The following GCGR variants were observed in gnomAD, a reference collection of about 807,000 sequenced individuals.
GCGR encodes glucagon receptor.
Under a neutral mutation model 56.1 loss-of-function variants are expected in GCGR, and 41 were observed. The observed-to-expected ratio is 0.73, with a 90% CI of 0.57 to 0.95. GCGR has a LOEUF of 0.95. GCGR is among the 40% of genes least tolerant of loss of function. The pLI is 0.00. For missense variants in GCGR, 595 were observed against 638.2 expected, an observed-to-expected ratio of 0.93 and a Z score of 0.73; for synonymous variants, 278 against 271.1, an observed-to-expected ratio of 1.03 and a Z score of -0.25.
rs1292279017 is a variant in GCGR, at chr17:81,811,811, G to A, written c.817+1G>A. ...AGCCTCTACCTGGGCATCGGCTGGG[G>A]TGAGTGGGCTGGCATGAGAGGGGGT... On this transcript the variant is annotated splice_donor_variant, in intron 8 of 13. Transcript: ENST00000400723. LOFTEE classifies it high-confidence loss of function. The surrounding 1 kb of genome is among the most constrained non-coding windows in gnomAD (Gnocchi z 5.8). 1 of 1,537,036 alleles carries A rather than the reference G, an allele frequency of 6.5e-7. No homozygotes were observed. Among genetic ancestry groups the A allele is most frequent in the Non-Finnish European group, 8.7e-7 (1 of 1,146,902 alleles).
In GCGR at chr17:81,806,312, G is replaced by A. The variant is rs994608310; in HGVS notation, c.-178+2063G>A. Among the ~76,000 whole-genome samples, 1 of 152,148 alleles carries A rather than the reference G, an allele frequency of 6.6e-6. No homozygotes were observed. Among genetic ancestry groups the A allele is most frequent in the Non-Finnish European group, 1.5e-5 (1 of 68,012 alleles). ...AGAATTGCCTCCCACCTCACCTCTT[G>A]TATTCAGAGGCCCTGACCCCTAGGG... On this transcript the variant is annotated intron_variant, in intron 1 of 13. Coordinates refer to ENST00000400723, the MANE Select transcript of GCGR (RefSeq NM_000160.5). The surrounding 1 kb of genome is among the most constrained non-coding windows in gnomAD (Gnocchi z 6.5).
In GCGR at chr17:81,809,046, C is replaced by T. The variant is rs961902777; in HGVS notation, c.28C>T (p.Leu10=). MPPCQPQRP[L]LLLLLLLACQ... is the part of the protein sequence containing the mutation. ...GCCCCCCTGCCAGCCACAGCGACCC[C>T]TGCTGCTGTTGCTGCTGCTGCTGGC... Residue 10 remains leucine, a synonymous_variant, in exon 2 of 14, where the codon CTG becomes TTG. Coordinates refer to ENST00000400723, the MANE Select transcript of GCGR (RefSeq NM_000160.5). 9 of 1,536,072 alleles carry T rather than the reference C, an allele frequency of 5.9e-6. No individual in the cohort carries two copies. The African/African-American group carries it at 8.2e-5, about 14-fold the overall frequency.
At chr17:81,805,311 T>G (rs1291732104) in intron 1 of GCGR, 1 of 152,568 alleles carries the variant, frequency 6.6e-6, no homozygotes, top group African/African-American at 2.4e-5. Context: ...AGTCACGTGT[T>G]CTGCCAGGGA....
chr17:81,805,802 T>C lies in GCGR; in HGVS notation c.-178+1553T>C, dbSNP rs550957495. On this transcript the variant is annotated intron_variant, in intron 1 of 13. Transcript: ENST00000400723. Reference sequence around the variant, plus strand: ...GGTGGAGGGTGGGGTCCCTGGTGGGTCGTCCCACCTACCAGCTGTGTCGCC... The same window carrying C: ...GGTGGAGGGTGGGGTCCCTGGTGGGCCGTCCCACCTACCAGCTGTGTCGCC... Among the ~76,000 whole-genome samples, 4 of 152,132 alleles carry C rather than the reference T, an allele frequency of 2.6e-5. No homozygotes were observed. In the South Asian group the frequency reaches 8.3e-4, roughly 32 times the overall value.
In GCGR at chr17:81,810,395, C is replaced by T; in HGVS notation, c.164-430C>T. ...GGCAGGTGTGGCAGCCTCCATTGGG[C>T]AGAGGGAGCAGATGTGGCAGCCACA... is the stretch of plus-strand genomic sequence containing the variant. On this transcript the variant is annotated intron_variant, in intron 3 of 13. Transcript: ENST00000400723. The surrounding 1 kb of genome is among the most constrained non-coding windows in gnomAD (Gnocchi z 4.6). The T allele has an allele frequency of 3.0e-6, 1 of 333,392 alleles. No individual in the cohort carries two copies. The highest frequency in any genetic ancestry group is 2.8e-5 in the South Asian group (1 of 35,416). 20.7% of individuals were successfully genotyped at this position (333,392 alleles called of 1,614,324 possible). A position where few individuals can be genotyped will look rare whatever the true frequency, so the allele number is the denominator to read the frequency against.
Position 81,812,046 on chromosome 17 carries a change from G to C in GCGR, c.878+100G>C. 6.6e-7 allele frequency: 1 copy of C among 1,507,990 alleles called. No individual in the cohort carries two copies. The highest frequency in any genetic ancestry group is 8.9e-7 in the Non-Finnish European group (1 of 1,121,982). 93.4% of individuals were successfully genotyped at this position (1,507,990 alleles called of 1,614,324 possible). A position where few individuals can be genotyped will look rare whatever the true frequency, so the allele number is the denominator to read the frequency against. On this transcript the variant is annotated intron_variant, in intron 9 of 13. Coordinates refer to ENST00000400723, the MANE Select transcript of GCGR (RefSeq NM_000160.5). This position sits in a 1 kb window ranked among gnomAD's most constrained non-coding sequence, Gnocchi z 8.5. ...GGGGCCGGGGATGAGCCTGGTGCCTGGGGAGGGGGTCATTTGTGACCTTCT... is the reference window on the plus strand; with the variant it reads ...GGGGCCGGGGATGAGCCTGGTGCCTCGGGAGGGGGTCATTTGTGACCTTCT...
rs1379527560 is a variant in GCGR at position 81,812,523 on chromosome 17, C to A, written c.949-54C>A. 1.3e-6 allele frequency: 2 copies of A among 1,496,052 alleles called. No individual in the cohort carries two copies. Among genetic ancestry groups the A allele is most frequent in the Non-Finnish European group, 9.0e-7 (1 of 1,113,722 alleles). The allele number at this position is 1,496,052 out of a possible 1,614,324, so 92.7% of individuals were successfully genotyped here. On this transcript the variant is annotated intron_variant, in intron 10 of 13. Coordinates refer to ENST00000400723, the MANE Select transcript of GCGR (RefSeq NM_000160.5). The surrounding 1 kb of genome is among the most constrained non-coding windows in gnomAD (Gnocchi z 8.5). ...GGTCAGGTGGGGCCTTCCAAGGGCA[C>A]AGAGCTGTTCCCTGGGGCTCGGGAT...
rs906566713 is a variant in GCGR, at chr17:81,810,057, C to A, written c.163+173C>A. 6 of 680,952 alleles carry A rather than the reference C, an allele frequency of 8.8e-6. No homozygotes were observed. The highest frequency in any genetic ancestry group is 1.6e-5 in the Non-Finnish European group (6 of 372,548). The allele number at this position is 680,952 out of a possible 1,614,324, so 42.2% of individuals were successfully genotyped here. On this transcript the variant is annotated intron_variant, in intron 3 of 13. Transcript: ENST00000400723. The surrounding 1 kb of genome is among the most constrained non-coding windows in gnomAD (Gnocchi z 4.6). The stretch of plus-strand genomic sequence containing the variant: ...CAGGTGAGGTAACGAGGTAACTGAG[C>A]CACAGAGCTGGGGACTTGCCTCAGG...
intron 1 of GCGR, among the ~76,000 whole-genome samples, chr17:81,805,961 C>T (rs1406627921): frequency 1.3e-5 from 2 of 152,184 alleles, no homozygotes. Flanking sequence ...TCAGTGTCTC[C>T]TCTCGGGGGA....
chr17:81,805,680 C>T (rs969756547), intron 1 of GCGR, among the ~76,000 whole-genome samples: 8 of 151,996 alleles, frequency 5.3e-5, no homozygotes, highest in Non-Finnish European at 1.2e-4. Context: ...CATTGGGCAC[C>T]TCGGGAACCC....
Position 81,812,440 on chromosome 17 carries a change from C to A in GCGR, c.949-137C>A. 9.5e-7 allele frequency: 1 copy of A among 1,052,230 alleles called. No homozygotes were observed. The highest frequency in any genetic ancestry group is 1.5e-5 in the South Asian group (1 of 64,564). 65.2% of individuals were successfully genotyped at this position (1,052,230 alleles called of 1,614,324 possible). A position where few individuals can be genotyped will look rare whatever the true frequency, so the allele number is the denominator to read the frequency against. ...CTGTTCCTCCCTGGCTGTGTGCCCA[C>A]CAGCCCCAGGGCTATGTGGCCCAGG... On this transcript the variant is annotated intron_variant, in intron 10 of 13. Coordinates refer to ENST00000400723, the MANE Select transcript of GCGR (RefSeq NM_000160.5). The surrounding 1 kb of genome is among the most constrained non-coding windows in gnomAD (Gnocchi z 8.5).
At position 81,809,864 on chromosome 17, in the gene GCGR, G is replaced by A. The variant is rs1364365831; in HGVS notation, c.143G>A (p.Ser48Asn). ...LYGDQCHHNL[S>N]LLPPPTELVC... is the part of the protein sequence containing the mutation. The stretch of plus-strand genomic sequence containing the variant: ...GGTGACCAGTGTCACCACAACCTGA[G>A]CCTGCTGCCCCCTCCCACGGGTGAG... Residue 48 changes from serine to asparagine, a missense_variant, in exon 3 of 14, where the codon AGC (serine) becomes AAC (asparagine). By Grantham distance (46) the Ser-to-Asn change is conservative. Coordinates refer to ENST00000400723, the MANE Select transcript of GCGR (RefSeq NM_000160.5). The A allele has an allele frequency of 6.5e-7, 1 of 1,536,544 alleles. No individual in the cohort carries two copies. The highest frequency in any genetic ancestry group is 8.7e-7 in the Non-Finnish European group (1 of 1,146,846).
chr17:81,810,211 C>G lies in GCGR; in HGVS notation c.163+327C>G, dbSNP rs1042501838. The G allele has an allele frequency of 6.9e-6, 3 of 434,826 alleles. No homozygotes were observed. The highest frequency in any genetic ancestry group is 7.0e-5 in the Admixed American group (2 of 28,748). 26.9% of individuals were successfully genotyped at this position (434,826 alleles called of 1,614,324 possible). A position where few individuals can be genotyped will look rare whatever the true frequency, so the allele number is the denominator to read the frequency against. On this transcript the variant is annotated intron_variant, in intron 3 of 13. Transcript: ENST00000400723. The surrounding 1 kb of genome is among the most constrained non-coding windows in gnomAD (Gnocchi z 4.6). ...TTTCAGTGGGCAGACAGTGCCAGGG[C>G]GTGGAAGCTGGGACCCAGGGGCCTG...
Position 81,811,410 on chromosome 17 carries a change from G to A in GCGR, c.507G>A (p.Leu169=), listed in dbSNP as rs1394361288. ...ALAILGGLSK[L]HCTRNAIHAN... ...TGACTGGCTGTGCCCACAGCAAGCTGCACTGCACCCGCAATGCCATCCACG... is the reference window on the plus strand; with the variant it reads ...TGACTGGCTGTGCCCACAGCAAGCTACACTGCACCCGCAATGCCATCCACG... The change falls in exon 7 of 14, where the codon CTG becomes CTA. Residue 169 remains leucine (L), a synonymous_variant. Coordinates refer to ENST00000400723, the MANE Select transcript of GCGR (RefSeq NM_000160.5). This position sits in a 1 kb window ranked among gnomAD's most constrained non-coding sequence, Gnocchi z 5.8. The A allele has an allele frequency of 6.5e-7, 1 of 1,536,420 alleles. No homozygotes were observed. The highest frequency in any genetic ancestry group is 2.4e-5 in the East Asian group (1 of 40,918).
rs770387110 is a variant in GCGR, at chr17:81,809,040, C to T, written c.22C>T (p.Arg8Ter). The stretch of plus-strand genomic sequence containing the variant: ...AGGCATGCCCCCCTGCCAGCCACAG[C>T]GACCCCTGCTGCTGTTGCTGCTGCT... MPPCQPQ[R>*]PLLLLLLLLA... The change falls in exon 2 of 14, where the codon CGA (arginine) becomes TGA (stop). Residue 8 changes from arginine to a stop codon, truncating the protein, a stop_gained. Transcript: ENST00000400723. LOFTEE classifies it high-confidence loss of function. 20 of 1,536,030 alleles carry T rather than the reference C, an allele frequency of 1.3e-5. No homozygotes were observed. The highest frequency in any genetic ancestry group is 2.4e-5 in the South Asian group (2 of 84,054).
At position 81,813,854 on chromosome 17, in the gene GCGR, C is replaced by A; in HGVS notation, c.*165C>A. The A allele has an allele frequency of 1.2e-5, 8 of 642,474 alleles. No homozygotes were observed. Among genetic ancestry groups the A allele is most frequent in the Admixed American group, 2.9e-5 (1 of 34,932 alleles). 39.8% of individuals were successfully genotyped at this position (642,474 alleles called of 1,614,324 possible). ...TGTCTGCGAGATTGGGCCTCCTCTC[C>A]CTGCACCTGCCTTGTCCCTGGTGCA... On this transcript the variant is annotated 3_prime_UTR_variant, in exon 14 of 14. Coordinates refer to ENST00000400723, the MANE Select transcript of GCGR (RefSeq NM_000160.5). This position sits in a 1 kb window ranked among gnomAD's most constrained non-coding sequence, Gnocchi z 5.3.
chr17:81,812,551 C>T lies in GCGR; in HGVS notation c.949-26C>T. ...AGCTGTTCCCTGGGGCTCGGGATGC[C>T]CCTGACTCGCACCCTTCTCACACAG... On this transcript the variant is annotated intron_variant, in intron 10 of 13. Transcript: ENST00000400723. This position sits in a 1 kb window ranked among gnomAD's most constrained non-coding sequence, Gnocchi z 8.5. The T allele has an allele frequency of 6.5e-7, 1 of 1,530,420 alleles. No homozygotes were observed. Among genetic ancestry groups the T allele is most frequent in the Non-Finnish European group, 8.8e-7 (1 of 1,142,022 alleles). 94.8% of individuals were successfully genotyped at this position (1,530,420 alleles called of 1,614,324 possible).
At position 81,806,773 on chromosome 17, in the gene GCGR, G is replaced by A. The variant is rs1328336352; in HGVS notation, c.-177-2069G>A. On this transcript the variant is annotated intron_variant, in intron 1 of 13. Coordinates refer to ENST00000400723, the MANE Select transcript of GCGR (RefSeq NM_000160.5). The surrounding 1 kb of genome is among the most constrained non-coding windows in gnomAD (Gnocchi z 6.5). ...CCTGGCTGGGTGGTCCTCCCCCCAG[G>A]GTGAGCACGCGTCCCCCCCCACCCC... Among the ~76,000 whole-genome samples the A allele has an allele frequency of 1.6e-5, 2 of 125,822 alleles. No individual in the cohort carries two copies. Among genetic ancestry groups the A allele is most frequent in the African/African-American group, 6.3e-5 (2 of 31,636 alleles). The allele number at this position is 125,822 out of a possible 152,430, so 82.5% of individuals were successfully genotyped here.
Position 81,811,846 on chromosome 17 carries a change from C to A in GCGR, c.817+36C>A. 2.6e-6 allele frequency: 4 copies of A among 1,536,982 alleles called. No homozygotes were observed. The highest frequency in any genetic ancestry group is 2.6e-6 in the Non-Finnish European group (3 of 1,146,876). ...TGGCATGAGAGGGGGTTAAGGCAGG[C>A]TGACCAAGCCTTTGGGACCACAGCT... On this transcript the variant is annotated intron_variant, in intron 8 of 13. Coordinates refer to ENST00000400723, the MANE Select transcript of GCGR (RefSeq NM_000160.5). The surrounding 1 kb of genome is among the most constrained non-coding windows in gnomAD (Gnocchi z 5.8).
Sources: gnomAD v4.1 joint callset for allele counts (sites outside exome capture counted in the v4.1 genomes callset) on GRCh38, gnomAD v4.1.1 for gene constraint, Gnocchi (gnomAD v3.1) non-coding constraint, MANE v1.5 for transcripts, NCBI Gene and HGNC (gene_info 2026-07-23, HGNC 2026-07-21) for gene names.